Variants in AKT3 observed in about 807,000 individuals in gnomAD.
The protein encoded by AKT3 is RAC-gamma serine/threonine-protein kinase.
In AKT3, 15 loss-of-function variants were observed where a neutral mutation model predicts 65.3. The ratio of observed to expected loss-of-function variants is 0.23; its 90% CI spans 0.15 to 0.35. The LOEUF (loss-of-function observed/expected upper bound fraction) is 0.35, where lower values mean the gene tolerates loss of function less well. Ranked by LOEUF, AKT3 falls within the 10% of genes least tolerant of loss-of-function variation. The pLI is 1.00. For synonymous variants in AKT3, 206 were observed against 183.8 expected, an observed-to-expected ratio of 1.12 and a Z score of -0.98; for missense variants, 243 against 576.5, an observed-to-expected ratio of 0.42 and a Z score of 5.92.
chr1:243,750,613 C>A (rs1688754164), intron 2 of AKT3, among the ~76,000 whole-genome samples: 1 of 150,274 alleles, frequency 6.7e-6, no homozygotes, highest in South Asian at 2.1e-4. Flanking sequence ...ACAGAGTCTC[C>A]CTTTGTCGCC....
intron 2 of AKT3, among the ~76,000 whole-genome samples, chr1:243,697,925 A>G (rs1228109321): frequency 1.3e-5 from 2 of 151,974 alleles, no homozygotes; most frequent in Non-Finnish European, 2.9e-5. Context: ...GGATACGTAG[A>G]TCAGTATCCT....
intron 10 of AKT3, among the ~76,000 whole-genome samples, chr1:243,557,447 C>T (rs1023264918): frequency 5.3e-5 from 8 of 151,810 alleles, no homozygotes; most frequent in African/African-American, 7.3e-5. Flanking sequence ...GAAGTTAGGG[C>T]GAAAAATAGC....
chr1:243,573,802 T>C (rs943318279), intron 8 of AKT3, among the ~76,000 whole-genome samples: 2 of 152,292 alleles, frequency 1.3e-5, no homozygotes, highest in Non-Finnish European at 1.5e-5. Flanking sequence ...TACCATTCGA[T>C]AGTCAACAAA....
At chr1:243,541,395 C>G (rs1672307956) in intron 12 of AKT3, among the ~76,000 whole-genome samples, 1 of 151,602 alleles carries the variant, frequency 6.6e-6, no homozygotes, top group South Asian at 2.1e-4. Context: ...TGCTACAGGA[C>G]CCTTCAGCTT....
intron 2 of AKT3, among the ~76,000 whole-genome samples, chr1:243,774,282 C>T (rs1690403388): frequency 6.6e-6 from 1 of 152,128 alleles, no homozygotes; most frequent in East Asian, 1.9e-4. Context: ...CACATAGTTC[C>T]ACATTTGCAG....
chr1:243,534,329 A>G (rs1045992613), intron 12 of AKT3, among the ~76,000 whole-genome samples: 4 of 152,220 alleles, frequency 2.6e-5, no homozygotes, highest in African/African-American at 4.8e-5. Flanking sequence ...CCAAGAAAAC[A>G]TAACAGTCCT....
Position 243,645,836 on chromosome 1 carries a change from A to C in AKT3, c.429+57T>G, listed in dbSNP as rs1680768591. ...CATCTTTCTGCAAATGGTAGCTTTT[A>C]ATATGTTTCTTCCAGACAAATGAAT... is the stretch of plus-strand genomic sequence containing the variant. On this transcript the variant is annotated intron_variant, in intron 5 of 13. Coordinates refer to ENST00000673466, the MANE Select transcript of AKT3 (RefSeq NM_005465.7). 10 of 1,468,738 alleles carry C rather than the reference A, an allele frequency of 6.8e-6. No homozygotes were observed. In the East Asian group the frequency reaches 2.4e-4, roughly 35 times the overall value. 91.0% of individuals were successfully genotyped at this position (1,468,738 alleles called of 1,614,324 possible).
Position 243,740,690 on chromosome 1 carries a change from T to C in AKT3, c.47-44974A>G, listed in dbSNP as rs375842861. On this transcript the variant is annotated intron_variant, in intron 2 of 13. Transcript: ENST00000673466. ...AAAAACCATAAAGATCCCTGCTCTA[T>C]GGCACTGTCTTATTTATATTACCTG... is the stretch of plus-strand genomic sequence containing the variant. 6 of 152,344 alleles carry C rather than the reference T, an allele frequency of 3.9e-5. No homozygotes were observed. In the East Asian group the frequency reaches 9.6e-4, roughly 24 times the overall value. 9.4% of individuals were successfully genotyped at this position (152,344 alleles called of 1,614,324 possible).
intron 8 of AKT3, among the ~76,000 whole-genome samples, chr1:243,582,524 T>C (rs1409181439): frequency 6.9e-6 from 1 of 144,910 alleles, no homozygotes; most frequent in Non-Finnish European, 1.5e-5. Context: ...CATAAGTGAA[T>C]AAGAAGTAAA....
chr1:243,720,724 G>C lies in AKT3; in HGVS notation c.47-25008C>G, dbSNP rs117955616. 3.6e-3 allele frequency among the ~76,000 whole-genome samples: 548 copies of C among 152,066 alleles called. 21 individuals are homozygous for C. The East Asian group carries it at 0.084, about 23-fold the overall frequency. ...AATTATAAAGTAGATAAATATTAAG[G>C]GTTAATACAATTTGGAGCCAATCAA... On this transcript the variant is annotated intron_variant, in intron 2 of 13. Transcript: ENST00000673466.
rs1273554088 is a variant in AKT3, at chr1:243,545,654, A to T, written c.1164-57T>A. The T allele has an allele frequency of 4.1e-6, 5 of 1,217,290 alleles. No homozygotes were observed. In the East Asian group the frequency reaches 9.4e-5, roughly 23 times the overall value. 75.4% of individuals were successfully genotyped at this position (1,217,290 alleles called of 1,614,324 possible). On this transcript the variant is annotated intron_variant, in intron 11 of 13. Transcript: ENST00000673466. ...TAAAACATTTACATAAGCTCAAAGC[A>T]TAACAAAAAATATTTTGTGAAAGTG... is the stretch of plus-strand genomic sequence containing the variant.
chr1:243,556,944 T>C (rs1673449391), intron 10 of AKT3, among the ~76,000 whole-genome samples: 1 of 152,160 alleles, frequency 6.6e-6, no homozygotes. Context: ...TTTATAACTA[T>C]TTCTCAACTG....
intron 11 of AKT3, among the ~76,000 whole-genome samples, chr1:243,547,179 A>G (rs1484539535): frequency 6.6e-6 from 1 of 152,232 alleles, no homozygotes; most frequent in Non-Finnish European, 1.5e-5. Context: ...CGAGCTACCA[A>G]TAAGATGTCA....
At chr1:243,690,974 C>G (rs1200349768) in intron 3 of AKT3, among the ~76,000 whole-genome samples, 2 of 152,024 alleles carry the variant, frequency 1.3e-5, no homozygotes, top group Non-Finnish European at 2.9e-5. Context: ...AGCTCTTTCC[C>G]CTAAAATAAC....
intron 2 of AKT3, among the ~76,000 whole-genome samples, chr1:243,828,201 TTAAA>T (rs1694291958): frequency 6.6e-6 from 1 of 152,204 alleles, no homozygotes; most frequent in South Asian, 2.1e-4. Flanking sequence ...CTACAGATTA[TTAAA>T]TAGTTATTTA....
At chr1:243,796,986 A>C (rs899892289) in intron 2 of AKT3, among the ~76,000 whole-genome samples, 10 of 152,176 alleles carry the variant, frequency 6.6e-5, no homozygotes, top group Admixed American at 6.5e-4. Flanking sequence ...AAAATAAAAA[A>C]TTACTGTTTA....
intron 10 of AKT3, 116 bp from the exon 11 acceptor site, chr1:243,553,059 C>A: frequency 1.3e-6 from 1 of 775,286 alleles, no homozygotes; most frequent in South Asian, 2.3e-5. Context: ...CCTAGGTAGT[C>A]TGAGATCTTG....
At chr1:243,541,461 C>A (rs1672312836) in intron 12 of AKT3, among the ~76,000 whole-genome samples, 1 of 151,976 alleles carries the variant, frequency 6.6e-6, no homozygotes, top group East Asian at 1.9e-4. Context: ...TACTTTCTGA[C>A]ACCACAAAAT....
chr1:243,625,487 A>G (rs1286072785), intron 6 of AKT3, among the ~76,000 whole-genome samples: 3 of 152,134 alleles, frequency 2.0e-5, no homozygotes, highest in South Asian at 2.1e-4. Flanking sequence ...GTGTTAAGGA[A>G]ATCCTGATGC....
Sources: allele counts gnomAD v4.1 joint callset (sites outside exome capture counted in the v4.1 genomes callset), GRCh38; gene constraint gnomAD v4.1.1; transcripts MANE v1.5; gene names NCBI Gene and HGNC (gene_info 2026-07-23, HGNC 2026-07-21).